Variants in GALNT9 observed in about 807,000 individuals in gnomAD.
GALNT9 encodes the protein polypeptide N-acetylgalactosaminyltransferase 9, also known as GalNAc transferase 9.
A neutral mutation model predicts 63.1 loss-of-function variants in GALNT9; 47 were observed. The ratio of observed to expected loss-of-function variants is 0.75; its 90% CI spans 0.59 to 0.95. The LOEUF is 0.95. Ranked by LOEUF, GALNT9 falls within the 40% of genes least tolerant of loss-of-function variation. The probability of loss-of-function intolerance (pLI) is 0.00; values close to 1 mark genes in which losing one functional copy is unlikely to be tolerated. For synonymous variants in GALNT9, 396 were observed against 365.7 expected (o/e 1.08, Z -0.94); for missense variants, 829 against 874.8 (o/e 0.95, Z 0.66).
intron 8 of GALNT9, 176 bp downstream of exon 8, chr12:132,200,948 C>G: frequency 1.6e-6 from 1 of 610,558 alleles, no homozygotes; most frequent in Non-Finnish European, 2.9e-6. Flanking sequence ...CGTGAATGCA[C>G]ACGTGTGTGC....
intron 6 of GALNT9, among the ~76,000 whole-genome samples, chr12:132,210,913 G>T (rs1876932383): frequency 6.6e-6 from 1 of 151,976 alleles, no homozygotes; most frequent in South Asian, 2.1e-4. Flanking sequence ...TCGCTGTCTG[G>T]TGGTCGGCTG....
In GALNT9 at chr12:132,296,018, G is replaced by T. The variant is rs111545322; in HGVS notation, c.239-9588C>A. 3.2e-4 allele frequency among the ~76,000 whole-genome samples: 43 copies of T among 133,730 alleles called. No homozygotes were observed. The highest frequency in any genetic ancestry group is 4.1e-3 in the Middle Eastern group (1 of 244). The allele number at this position is 133,730 out of a possible 152,430, so 87.7% of individuals were successfully genotyped here. On this transcript the variant is annotated intron_variant, in intron 1 of 10. Coordinates refer to ENST00000328957, the MANE Select transcript of GALNT9 (RefSeq NM_001122636.2). This position sits in a 1 kb window ranked among gnomAD's most constrained non-coding sequence, Gnocchi z 4.2. The stretch of plus-strand genomic sequence containing the variant: ...GGCCTCCGGAACAGGGAGAGCCTCC[G>T]GAACAGGGAGAGCCTCCAGAACAGG...
At chr12:132,249,813 G>A (rs1878839534) in intron 5 of GALNT9, among the ~76,000 whole-genome samples, 1 of 152,210 alleles carries the variant, frequency 6.6e-6, no homozygotes, top group African/African-American at 2.4e-5. Context: ...TACAGAAAAA[G>A]GTGGGCTGAG....
In GALNT9 at chr12:132,316,764, G is replaced by A. The variant is rs1438155386; in HGVS notation, c.238+12202C>T. On this transcript the variant is annotated intron_variant, in intron 1 of 10. Coordinates refer to ENST00000328957, the MANE Select transcript of GALNT9 (RefSeq NM_001122636.2). This position sits in a 1 kb window ranked among gnomAD's most constrained non-coding sequence, Gnocchi z 4.3. ...CCTCCTTCCCATCACGAGCACTGGC[G>A]CTCACATGGGGTACTCGGACCCATA... Among the ~76,000 whole-genome samples, 13 of 152,018 alleles carry A rather than the reference G, an allele frequency of 8.6e-5. 2 individuals carry two copies. The highest frequency in any genetic ancestry group is 8.3e-4 in the South Asian group (4 of 4,836).
rs574314598 is a variant in GALNT9, at chr12:132,295,432, A to T, written c.239-9002T>A. Among the ~76,000 whole-genome samples the T allele has an allele frequency of 6.3e-3, 965 of 152,394 alleles. 10 individuals are homozygous for T. The highest frequency in any genetic ancestry group is 0.022 in the African/African-American group (918 of 41,598). Reference sequence around the variant, plus strand: ...GTCCCAGCCCTGGGGACCTGTGAACAGGATCTTATCTGGAAACGGTCTTCG... The same window carrying T: ...GTCCCAGCCCTGGGGACCTGTGAACTGGATCTTATCTGGAAACGGTCTTCG... On this transcript the variant is annotated intron_variant, in intron 1 of 10. Coordinates refer to ENST00000328957, the MANE Select transcript of GALNT9 (RefSeq NM_001122636.2).
intron 1 of GALNT9, among the ~76,000 whole-genome samples, chr12:132,307,669 T>A (rs1467956233): frequency 2.9e-5 from 4 of 140,226 alleles, no homozygotes; most frequent in South Asian, 2.4e-4. Flanking sequence ...TCATCTCTAC[T>A]AAAAAAAAAA....
rs2135533935 is a variant in GALNT9, at chr12:132,246,707, A to G, written c.1077+1203T>C. 6.6e-6 allele frequency among the ~76,000 whole-genome samples: 1 copy of G among 152,124 alleles called. No homozygotes were observed. Among genetic ancestry groups the G allele is most frequent in the Non-Finnish European group, 1.5e-5 (1 of 68,002 alleles). ...ACCACCATGCCTGGTTAATTTTTGT[A>G]TTTTTAGTAGAGGCAGGGTTTTACC... On this transcript the variant is annotated intron_variant, in intron 6 of 10. Transcript: ENST00000328957. The surrounding 1 kb of genome is among the most constrained non-coding windows in gnomAD (Gnocchi z 4.7).
chr12:132,306,829 G>A (rs546496627), intron 1 of GALNT9, among the ~76,000 whole-genome samples: 65 of 152,294 alleles, frequency 4.3e-4, no homozygotes, highest in Non-Finnish European at 8.4e-4. Flanking sequence ...CACCCGCCGC[G>A]TGCCCGTGGT....
At chr12:132,313,235 A>T (rs1881879505) in intron 1 of GALNT9, among the ~76,000 whole-genome samples, 1 of 125,424 alleles carries the variant, frequency 8.0e-6, no homozygotes, top group Admixed American at 8.7e-5. Flanking sequence ...CTGCCCATCC[A>T]CCAACTCACC....
chr12:132,320,733 C>G (rs969027922), intron 1 of GALNT9, among the ~76,000 whole-genome samples: 1 of 152,266 alleles, frequency 6.6e-6, no homozygotes, highest in African/African-American at 2.4e-5. Flanking sequence ...CCTCCGCCCC[C>G]ACCAGGTGCC....
intron 5 of GALNT9, among the ~76,000 whole-genome samples, chr12:132,256,758 C>T (rs1879136887): frequency 6.6e-6 from 1 of 152,108 alleles, no homozygotes; most frequent in South Asian, 2.1e-4. Flanking sequence ...TGCACCGATT[C>T]ACAGTCCTGC....
chr12:132,310,227 G>A lies in GALNT9; in HGVS notation c.238+18739C>T, dbSNP rs578222704. 2.2e-4 allele frequency among the ~76,000 whole-genome samples: 34 copies of A among 152,310 alleles called. No individual in the cohort carries two copies. The highest frequency in any genetic ancestry group is 7.9e-4 in the African/African-American group (33 of 41,574). Reference sequence around the variant, plus strand: ...TTCACGTGGGGCTGGGCTTGTGAGGGTGCCACCAGCCCTCCAGGTCTCACC... The same window carrying A: ...TTCACGTGGGGCTGGGCTTGTGAGGATGCCACCAGCCCTCCAGGTCTCACC... On this transcript the variant is annotated intron_variant, in intron 1 of 10. Transcript: ENST00000328957. This position sits in a 1 kb window ranked among gnomAD's most constrained non-coding sequence, Gnocchi z 4.8.
intron 6 of GALNT9, among the ~76,000 whole-genome samples, chr12:132,219,460 G>A (rs928032581): frequency 1.3e-5 from 2 of 152,122 alleles, no homozygotes; most frequent in African/African-American, 2.4e-5. Flanking sequence ...GGGGACCATC[G>A]GCGGGACAGG....
intron 6 of GALNT9, among the ~76,000 whole-genome samples, chr12:132,212,021 T>C (rs1048708239): frequency 1.4e-4 from 21 of 152,310 alleles, no homozygotes; most frequent in African/African-American, 4.8e-4. Flanking sequence ...ACACTCCGCA[T>C]GGCAGCGGAC....
chr12:132,320,298 C>T (rs367565860), intron 1 of GALNT9, among the ~76,000 whole-genome samples: 221 of 152,324 alleles, frequency 1.5e-3, no homozygotes, highest in African/African-American at 4.7e-3. Context: ...CCTCACTTCC[C>T]GGGTTCCGAT....
In GALNT9 at chr12:132,201,221, G is replaced by T; in HGVS notation, c.1304C>A (p.Ala435Asp). ...VDFGDVSERLALRQRLKCRSF... is the reference protein window; with the variant it reads ...VDFGDVSERLDLRQRLKCRSF... ...GCGACACTTCAGCCTCTGACGCAGG[G>T]CCAGCCTCTCAGACACGTCCCCGAA... Residue 435 changes from alanine to aspartate, a missense_variant, in exon 8 of 11, where the codon GCC becomes GAC. Ala to Asp is a moderately radical substitution (Grantham distance 126, BLOSUM62 -2). Transcript: ENST00000328957. The T allele has an allele frequency of 1.2e-6, 2 of 1,612,990 alleles. No individual in the cohort carries two copies. The highest frequency in any genetic ancestry group is 1.7e-6 in the Non-Finnish European group (2 of 1,179,148).
chr12:132,226,904 A>C (rs1173236400), intron 6 of GALNT9, among the ~76,000 whole-genome samples: 66 of 145,662 alleles, frequency 4.5e-4, no homozygotes, highest in East Asian at 2.1e-4. Context: ...AACACGCCCC[A>C]CACACACCAT....
At chr12:132,203,984 G>A (rs1876439904) in intron 6 of GALNT9, among the ~76,000 whole-genome samples, 1 of 152,176 alleles carries the variant, frequency 6.6e-6, no homozygotes, top group South Asian at 2.1e-4. Flanking sequence ...CACTTAACAG[G>A]TTTTTCACCC....
chr12:132,324,671 C>G (rs1868957138), intron 1 of GALNT9, among the ~76,000 whole-genome samples: 1 of 152,128 alleles, frequency 6.6e-6, no homozygotes, highest in Non-Finnish European at 1.5e-5. Context: ...CCCATCTAGA[C>G]CGCCGCCCTC....
Sources: gnomAD v4.1 joint callset for allele counts (sites outside exome capture counted in the v4.1 genomes callset) on GRCh38, gnomAD v4.1.1 for gene constraint, Gnocchi (gnomAD v3.1) non-coding constraint, MANE v1.5 for transcripts, NCBI Gene and HGNC (gene_info 2026-07-23, HGNC 2026-07-21) for gene names.